The following RALGPS2 variants were observed in gnomAD, a reference collection of about 807,000 sequenced individuals.
The protein encoded by RALGPS2 is Ral GEF with PH domain and SH3 binding motif 2, also known as ras-specific guanine nucleotide-releasing factor RalGPS2.
RALGPS2 carries 43 observed loss-of-function variants against 86.8 expected under a neutral mutation model. The observed-to-expected ratio is 0.50, with a 90% CI of 0.39 to 0.64. The LOEUF is 0.64. Ranked by LOEUF, RALGPS2 falls within the 30% of genes least tolerant of loss-of-function variation. RALGPS2 has a pLI of 0.00. For synonymous variants in RALGPS2, 243 were observed against 231.3 expected (o/e 1.05, Z -0.46); for missense variants, 536 against 694.6 (o/e 0.77, Z 2.57).
intron 8 of RALGPS2, chr1:178,853,741 G>C (rs770829057): frequency 1.2e-6 from 2 of 1,604,366 alleles, no homozygotes; most frequent in Non-Finnish European, 1.7e-6. Context: ...AAATCCCACT[G>C]ACCGAATGCC....
intron 4 of RALGPS2, among the ~76,000 whole-genome samples, chr1:178,797,172 A>G (rs2102159762): frequency 6.6e-6 from 1 of 152,314 alleles, no homozygotes; most frequent in Admixed American, 6.5e-5. Context: ...AGTATAGACT[A>G]ATTCTTGACC....
chr1:178,784,431 C>T lies in RALGPS2; in HGVS notation c.71C>T (p.Ser24Phe). Residue 24 changes from serine to phenylalanine, a missense_variant, in exon 3 of 20, where the codon TCT becomes TTT. Physicochemically the swap from Ser to Phe is radical, Grantham distance 155 (BLOSUM62 -2). This residue lies in a region of RALGPS2 where 43 missense variants were observed against 34.9 expected (regional missense o/e 1.23). Coordinates refer to ENST00000367635, the MANE Select transcript of RALGPS2 (RefSeq NM_152663.5). ...AATASEKSSS[S>F]ESLSDKGSEL... is the part of the protein sequence containing the mutation. ...TCACTTTAACAGAAAAGTAGCAGCT[C>T]TGAATCCTTAAGTGACAAAGGCTCT... 2 of 1,600,552 alleles carry T rather than the reference C, an allele frequency of 1.2e-6. No individual in the cohort carries two copies. Among genetic ancestry groups the T allele is most frequent in the Non-Finnish European group, 1.7e-6 (2 of 1,171,534 alleles).
intron 1 of RALGPS2, among the ~76,000 whole-genome samples, chr1:178,771,768 A>G (rs149024764): frequency 6.6e-6 from 1 of 152,308 alleles, no homozygotes; most frequent in Non-Finnish European, 1.5e-5. Context: ...ATGTTATAAT[A>G]ATGATTACCA....
Position 178,776,774 on chromosome 1 carries a change from A to G in RALGPS2, c.10A>G (p.Met4Val), listed in dbSNP as rs779009893. The part of the protein sequence containing the change: MDL[M>V]NGQASSVNIA... The stretch of plus-strand genomic sequence containing the variant: ...GACTGATGAGGAAAGCATGGACCTA[A>G]TGAACGGGCAGGCAAGCAGTGTCAA... Residue 4 changes from methionine (M) to valine (V), a missense_variant, in exon 2 of 20, where the codon ATG becomes GTG. Around this residue, in one of 3 missense-constraint regions of RALGPS2, gnomAD observed 43 missense variants for 34.9 expected, o/e 1.23. Transcript: ENST00000367635. 6.2e-7 allele frequency: 1 copy of G among 1,612,954 alleles called. No homozygotes were observed. Among genetic ancestry groups the G allele is most frequent in the Non-Finnish European group, 8.5e-7 (1 of 1,179,328 alleles).
chr1:178,881,108 C>T (rs548218906), intron 10 of RALGPS2, among the ~76,000 whole-genome samples: 3 of 152,188 alleles, frequency 2.0e-5, no homozygotes, highest in African/African-American at 7.2e-5. Flanking sequence ...CCTCAAGAAG[C>T]TCAGTCTAAT....
At chr1:178,748,453 C>T (rs966796218) in intron 1 of RALGPS2, among the ~76,000 whole-genome samples, 5 of 152,068 alleles carry the variant, frequency 3.3e-5, no homozygotes, top group Admixed American at 1.3e-4. Flanking sequence ...AATGGATAAA[C>T]AAATTGTGAT....
chr1:178,882,937 A>G (rs1314259033), intron 10 of RALGPS2, among the ~76,000 whole-genome samples: 1 of 152,198 alleles, frequency 6.6e-6, no homozygotes, highest in Non-Finnish European at 1.5e-5. Context: ...AATTTGCATA[A>G]TATATTTAAT....
chr1:178,837,904 G>A (rs1656360252), intron 8 of RALGPS2, among the ~76,000 whole-genome samples: 1 of 152,322 alleles, frequency 6.6e-6, no homozygotes, highest in Admixed American at 6.5e-5. Context: ...CTCAGAGGGT[G>A]CCACGCCCAC....
In RALGPS2 at chr1:178,878,995, A is replaced by G. The variant is rs1222692906; in HGVS notation, c.836+3A>G. 6.2e-7 allele frequency: 1 copy of G among 1,612,162 alleles called. No individual in the cohort carries two copies. The highest frequency in any genetic ancestry group is 8.5e-7 in the Non-Finnish European group (1 of 1,179,324). On this transcript the variant is annotated splice_donor_region_variant and intron_variant, in intron 10 of 19. Transcript: ENST00000367635. ...TTTGTGGAAGACGATAATTACAAGTAGGTTGGATCTTCAAAAGTGGTTTGT... is the reference window on the plus strand; with the variant it reads ...TTTGTGGAAGACGATAATTACAAGTGGGTTGGATCTTCAAAAGTGGTTTGT...
chr1:178,792,072 A>C (rs1234279848), intron 4 of RALGPS2, among the ~76,000 whole-genome samples: 3 of 152,196 alleles, frequency 2.0e-5, no homozygotes, highest in African/African-American at 7.2e-5. Context: ...GTTTTTCTCC[A>C]ATTCTGTAAC....
chr1:178,797,256 GGAGGAAGATCTTA>G (rs1164020762), intron 4 of RALGPS2, among the ~76,000 whole-genome samples: 2 of 152,072 alleles, frequency 1.3e-5, no homozygotes, highest in Non-Finnish European at 2.9e-5. Flanking sequence ...AGTGTGACTT[GGAGGAAGATCTTA>G]GAATCTGAAA....
At chr1:178,898,173 A>G (rs566616146) in intron 17 of RALGPS2, among the ~76,000 whole-genome samples, 1 of 152,138 alleles carries the variant, frequency 6.6e-6, no homozygotes, top group African/African-American at 2.4e-5. Flanking sequence ...CTTGTGCTTC[A>G]TATTACTTAA....
intron 4 of RALGPS2, among the ~76,000 whole-genome samples, chr1:178,793,437 G>A (rs1039552949): frequency 2.8e-5 from 4 of 142,872 alleles, no homozygotes; most frequent in Admixed American, 7.2e-5. Context: ...ATGGGGTCTC[G>A]CAGTGTTGCC....
chr1:178,874,742 T>C (rs1269868138), intron 8 of RALGPS2, among the ~76,000 whole-genome samples: 2 of 152,198 alleles, frequency 1.3e-5, no homozygotes, highest in African/African-American at 2.4e-5. Context: ...GACTGGTCTT[T>C]CACAAATGTT....
intron 18 of RALGPS2, among the ~76,000 whole-genome samples, chr1:178,904,695 C>A (rs1660319045): frequency 6.6e-6 from 1 of 152,084 alleles, no homozygotes; most frequent in Non-Finnish European, 1.5e-5. Context: ...TATTCTATTC[C>A]ATTGGTCTAT....
At chr1:178,880,472 A>G (rs1280723051) in intron 10 of RALGPS2, among the ~76,000 whole-genome samples, 2 of 152,212 alleles carry the variant, frequency 1.3e-5, no homozygotes, top group Non-Finnish European at 1.5e-5. Flanking sequence ...TTGAAAATGT[A>G]TGAAGTCAAT....
intron 1 of RALGPS2, among the ~76,000 whole-genome samples, chr1:178,744,301 C>G (rs1189536115): frequency 6.6e-6 from 1 of 152,104 alleles, no homozygotes; most frequent in Non-Finnish European, 1.5e-5. Flanking sequence ...ATGATCTAAC[C>G]TTCATTCTGG....
rs1403786266 is a variant in RALGPS2, at chr1:178,920,876, T to G, written c.*4517T>G. On this transcript the variant is annotated 3_prime_UTR_variant, in exon 20 of 20. Coordinates refer to ENST00000367635, the MANE Select transcript of RALGPS2 (RefSeq NM_152663.5). ...ATTTATTTTTACATTTAAGTAACAC[T>G]CAAAACAAACAAGTAGTCACTTAAC... The G allele has an allele frequency of 6.6e-6, 1 of 151,996 alleles. No individual in the cohort carries two copies. 9.4% of individuals were successfully genotyped at this position (151,996 alleles called of 1,614,324 possible).
chr1:178,909,095 G>A (rs1226259827), intron 19 of RALGPS2, among the ~76,000 whole-genome samples: 1 of 152,150 alleles, frequency 6.6e-6, no homozygotes, highest in Non-Finnish European at 1.5e-5. Context: ...GTGTAAGGAA[G>A]GGGTCCAGTT....
Sources: gnomAD v4.1 joint callset for allele counts (sites outside exome capture counted in the v4.1 genomes callset) on GRCh38, gnomAD v4.1.1 for gene constraint, gnomAD v4.1.1 regional missense constraint, MANE v1.5 for transcripts, NCBI Gene and HGNC (gene_info 2026-07-23, HGNC 2026-07-21) for gene names.